Variants in PLSCR4 observed in about 807,000 individuals in gnomAD.
PLSCR4 encodes the protein phospholipid scramblase 4.
PLSCR4 carries 25 observed loss-of-function variants against 36.3 expected under a neutral mutation model. The ratio of observed to expected loss-of-function variants is 0.69; its 90% CI spans 0.50 to 0.96. The LOEUF (loss-of-function observed/expected upper bound fraction) is 0.96, where lower values mean the gene tolerates loss of function less well. PLSCR4 is among the 40% of genes least tolerant of loss of function. PLSCR4 has a pLI of 0.00. For missense variants in PLSCR4, 408 were observed against 414.7 expected (o/e 0.98, Z 0.14); for synonymous variants, 122 against 132.9 (o/e 0.92, Z 0.56).
At chr3:146,232,271 G>C (rs1179326746) in intron 1 of PLSCR4, among the ~76,000 whole-genome samples, 1 of 152,130 alleles carries the variant, frequency 6.6e-6, no homozygotes, top group Non-Finnish European at 1.5e-5. Flanking sequence ...AAGTCAGATA[G>C]TGTGACGCCT....
intron 1 of PLSCR4, among the ~76,000 whole-genome samples, chr3:146,224,542 G>A (rs59588061): frequency 0.015 from 2,200 of 149,158 alleles, 36 homozygotes; most frequent in African/African-American, 0.047. Context: ...TCGTGGTCTC[G>A]CTGGCTCAGG....
At chr3:146,248,640 AC>A (rs2036437574) in intron 1 of PLSCR4, among the ~76,000 whole-genome samples, 2 of 152,174 alleles carry the variant, frequency 1.3e-5, no homozygotes, top group African/African-American at 4.8e-5. Context: ...ACATTATGTA[AC>A]CAATTCCCAA....
At chr3:146,226,783 G>A (rs1576482321) in intron 1 of PLSCR4, among the ~76,000 whole-genome samples, 3 of 152,092 alleles carry the variant, frequency 2.0e-5, no homozygotes, top group Non-Finnish European at 4.4e-5. Context: ...TCTAATTCAA[G>A]TAATTGAATG....
intron 1 of PLSCR4, among the ~76,000 whole-genome samples, chr3:146,231,544 A>G (rs958649254): frequency 1.3e-5 from 2 of 152,186 alleles, no homozygotes; most frequent in African/African-American, 4.8e-5. Context: ...CATTTTAATA[A>G]TAGCCATTCT....
At chr3:146,196,087 A>C (rs1401470900) in intron 7 of PLSCR4, among the ~76,000 whole-genome samples, 1 of 152,196 alleles carries the variant, frequency 6.6e-6, no homozygotes, top group Non-Finnish European at 1.5e-5. Flanking sequence ...GTAGCCAGTG[A>C]GATAAAGGCA....
chr3:146,203,521 CT>C (rs1356784187), intron 4 of PLSCR4, among the ~76,000 whole-genome samples: 8 of 152,018 alleles, frequency 5.3e-5, no homozygotes, highest in African/African-American at 9.7e-5. Flanking sequence ...GCAGAGTCAC[CT>C]TCATCAATGA....
intron 1 of PLSCR4, among the ~76,000 whole-genome samples, chr3:146,223,079 A>G (rs2108297251): frequency 7.6e-6 from 1 of 130,730 alleles, no homozygotes; most frequent in East Asian, 2.2e-4. Context: ...GAGGGTAAGA[A>G]TTGAAAGTTT....
chr3:146,203,231 T>C (rs762965304), intron 4 of PLSCR4, among the ~76,000 whole-genome samples: 14 of 152,042 alleles, frequency 9.2e-5, no homozygotes, highest in Non-Finnish European at 1.9e-4. Flanking sequence ...GACTTGTAAA[T>C]TGAAATTATA....
At chr3:146,249,361 CCAAA>C (rs994349613) in intron 1 of PLSCR4, among the ~76,000 whole-genome samples, 2 of 151,980 alleles carry the variant, frequency 1.3e-5, no homozygotes, top group Admixed American at 6.6e-5. Flanking sequence ...ATTAGGTTTC[CCAAA>C]CAAATTCCTG....
chr3:146,224,838 T>C (rs977826899), intron 1 of PLSCR4, among the ~76,000 whole-genome samples: 4 of 149,166 alleles, frequency 2.7e-5, no homozygotes, highest in Non-Finnish European at 6.0e-5. Flanking sequence ...GTTCTCCACG[T>C]CCCCATCAGA....
chr3:146,213,569 C>A (rs1034768274), intron 3 of PLSCR4, among the ~76,000 whole-genome samples: 1 of 152,072 alleles, frequency 6.6e-6, no homozygotes, highest in Non-Finnish European at 1.5e-5. Flanking sequence ...GTGATCCACC[C>A]GCCTCGGATT....
At chr3:146,196,464 C>G (rs2033748164) in intron 7 of PLSCR4, 168 bp downstream of exon 7, 8 of 625,686 alleles carry the variant, frequency 1.3e-5, no homozygotes, top group Non-Finnish European at 1.9e-5. Flanking sequence ...AAACCTCAAT[C>G]TACTCACAAT....
At chr3:146,199,492 G>A (rs2033925932) in intron 6 of PLSCR4, among the ~76,000 whole-genome samples, 1 of 152,070 alleles carries the variant, frequency 6.6e-6, no homozygotes, top group Non-Finnish European at 1.5e-5. Flanking sequence ...TTTATCTAGT[G>A]ATAGGTACGT....
At chr3:146,221,721 AC>A (rs2035151001) in intron 2 of PLSCR4, among the ~76,000 whole-genome samples, 1 of 152,160 alleles carries the variant, frequency 6.6e-6, no homozygotes, top group Admixed American at 6.5e-5. Context: ...CCAAGGCAGG[AC>A]CTTGCCACAG....
At chr3:146,194,960 G>A (rs2033636218) in intron 8 of PLSCR4, among the ~76,000 whole-genome samples, 164 bp downstream of exon 8, 1 of 152,260 alleles carries the variant, frequency 6.6e-6, no homozygotes, top group African/African-American at 2.4e-5. Context: ...TACAGATGAG[G>A]AAACTGAGGC....
At chr3:146,234,244 A>C (rs2035828264) in intron 1 of PLSCR4, among the ~76,000 whole-genome samples, 1 of 152,222 alleles carries the variant, frequency 6.6e-6, no homozygotes, top group Non-Finnish European at 1.5e-5. Context: ...GGTTCAAGGC[A>C]TCCTGAAACA....
At chr3:146,220,643 G>A (rs1257564548) in intron 3 of PLSCR4, among the ~76,000 whole-genome samples, 172 bp downstream of exon 3, 1 of 152,138 alleles carries the variant, frequency 6.6e-6, no homozygotes, top group Non-Finnish European at 1.5e-5. Flanking sequence ...AAATCCTATG[G>A]CTACAGGAAT....
chr3:146,206,667 C>A lies in PLSCR4; in HGVS notation c.213G>T (p.Leu71Phe), dbSNP rs143201630. 9,020 of 1,613,310 alleles carry A rather than the reference C, an allele frequency of 5.6e-3. 43 individuals are homozygous for A. The highest frequency in any genetic ancestry group is 7.1e-3 in the Non-Finnish European group (8,362 of 1,179,652). ...GATGGATACCACCAACTGGCTGGTA[C>A]AAAGGGAAGGTACTGGGTTGCTGTG... ...YSPQQPSTFP[L>F]YQPVGGIHPV... Residue 71 changes from leucine to phenylalanine, a missense_variant, in exon 4 of 9, where the codon TTG (leucine) becomes TTT (phenylalanine). By Grantham distance (22) the Leu-to-Phe change is conservative. Coordinates refer to ENST00000354952, the MANE Select transcript of PLSCR4 (RefSeq NM_020353.3).
At chr3:146,231,811 T>C (rs2035727594) in intron 1 of PLSCR4, among the ~76,000 whole-genome samples, 1 of 152,214 alleles carries the variant, frequency 6.6e-6, no homozygotes, top group Non-Finnish European at 1.5e-5. Flanking sequence ...AGGTTGTCTA[T>C]TTACTCTGTT....
Sources: gnomAD v4.1 joint callset for allele counts (sites outside exome capture counted in the v4.1 genomes callset) on GRCh38, gnomAD v4.1.1 for gene constraint, MANE v1.5 for transcripts, NCBI Gene and HGNC (gene_info 2026-07-23, HGNC 2026-07-21) for gene names.